Variants in CAMTA1 observed in about 807,000 individuals in gnomAD.
The protein encoded by CAMTA1 is calmodulin-binding transcription activator 1.
CAMTA1 carries 27 observed loss-of-function variants against 170.9 expected under a neutral mutation model. That is an observed-to-expected ratio of 0.16 (90% confidence interval 0.12 to 0.22). The LOEUF is 0.22. Ranked by LOEUF, CAMTA1 falls within the 10% of genes least tolerant of loss-of-function variation. The pLI, the probability that CAMTA1 is intolerant of heterozygous loss-of-function variation, is 1.00. For synonymous variants in CAMTA1, 833 were observed against 891.5 expected (o/e 0.93, Z 1.17); for missense variants, 1,619 against 2,217.2 (o/e 0.73, Z 5.42).
intron 5 of CAMTA1, among the ~76,000 whole-genome samples, chr1:7,371,639 T>C (rs2086481075): frequency 6.6e-6 from 1 of 152,238 alleles, no homozygotes; most frequent in South Asian, 2.1e-4. Context: ...GGAGTTTCTA[T>C]GGCTCAACAC....
intron 4 of CAMTA1, among the ~76,000 whole-genome samples, chr1:7,194,624 C>A (rs1394712264): frequency 6.6e-6 from 1 of 152,108 alleles, no homozygotes; most frequent in Non-Finnish European, 1.5e-5. Flanking sequence ...TGTTTTACAG[C>A]GATACTTGGA....
intron 3 of CAMTA1, among the ~76,000 whole-genome samples, chr1:6,959,805 G>T (rs1050344856): frequency 6.6e-6 from 1 of 152,042 alleles, no homozygotes; most frequent in Admixed American, 6.5e-5. Flanking sequence ...GAGCTGAGCC[G>T]GGTTCAGATT....
intron 5 of CAMTA1, among the ~76,000 whole-genome samples, chr1:7,323,781 A>T (rs1298504513): frequency 6.6e-6 from 1 of 152,152 alleles, no homozygotes; most frequent in Non-Finnish European, 1.5e-5. Context: ...GCCTTAATGC[A>T]CAAAGCACTG....
In CAMTA1 at chr1:7,130,067, G is replaced by C. The variant is rs185298091; in HGVS notation, c.302+38696G>C. 6.1e-4 allele frequency among the ~76,000 whole-genome samples: 93 copies of C among 152,144 alleles called. 1 individual carries two copies. Among genetic ancestry groups the C allele is most frequent in the Admixed American group, 6.0e-3 (92 of 15,270 alleles). On this transcript the variant is annotated intron_variant, in intron 4 of 22. Coordinates refer to ENST00000303635, the MANE Select transcript of CAMTA1 (RefSeq NM_015215.4). ...TTCTCCCGCCTCAGCCCCCCAAGTA[G>C]CTGGGACTACAGGCACGTGCGTCAC... is the stretch of plus-strand genomic sequence containing the variant.
rs779699042 is a variant in CAMTA1, at chr1:7,144,251, G to A, written c.302+52880G>A. On this transcript the variant is annotated intron_variant, in intron 4 of 22. Coordinates refer to ENST00000303635, the MANE Select transcript of CAMTA1 (RefSeq NM_015215.4). This position sits in a 1 kb window ranked among gnomAD's most constrained non-coding sequence, Gnocchi z 4.0. The stretch of plus-strand genomic sequence containing the variant: ...GCCTTTTCTAAGTGTGTGTGTGTGT[G>A]TATGTGTGTGTTTGTGTGTATGAGT... 2.0e-5 allele frequency among the ~76,000 whole-genome samples: 3 copies of A among 151,524 alleles called. No homozygotes were observed. The highest frequency in any genetic ancestry group is 2.9e-5 in the Non-Finnish European group (2 of 68,024).
chr1:7,342,865 C>T (rs139957671), intron 5 of CAMTA1, among the ~76,000 whole-genome samples: 3 of 152,300 alleles, frequency 2.0e-5, no homozygotes, highest in African/African-American at 4.8e-5. Context: ...TTTTCTGCAA[C>T]TTCATGCCTG....
chr1:7,136,247 G>A (rs575584062), intron 4 of CAMTA1, among the ~76,000 whole-genome samples: 2 of 152,344 alleles, frequency 1.3e-5, no homozygotes, highest in African/African-American at 4.8e-5. Flanking sequence ...CAAATCAGAA[G>A]GGAATTTCTG....
chr1:7,673,993 C>T lies in CAMTA1; in HGVS notation c.2779+2956C>T, dbSNP rs1307086544. 6.6e-6 allele frequency among the ~76,000 whole-genome samples: 1 copy of T among 152,088 alleles called. No homozygotes were observed. The highest frequency in any genetic ancestry group is 1.5e-5 in the Non-Finnish European group (1 of 68,022). ...GGAGATGACGCTGGCTGCTTGGGGA[C>T]CTCATCTTTGGGTCTCCCCAGAGGA... On this transcript the variant is annotated intron_variant, in intron 10 of 22. Coordinates refer to ENST00000303635, the MANE Select transcript of CAMTA1 (RefSeq NM_015215.4). This position sits in a 1 kb window ranked among gnomAD's most constrained non-coding sequence, Gnocchi z 4.6.
rs61161982 is a variant in CAMTA1, at chr1:7,310,647, T to TCTTTCTTTCTTTCTTTCTTTC, written c.438+61021_438+61022insCTTTCTTTCTTTCTTTCTTTC. Among the ~76,000 whole-genome samples the TCTTTCTTTCTTTCTTTCTTTC allele has an allele frequency of 4.1e-5, 2 of 49,148 alleles. 1 individual carries two copies. Among genetic ancestry groups the TCTTTCTTTCTTTCTTTCTTTC allele is most frequent in the Admixed American group, 4.9e-4 (2 of 4,094 alleles). The allele number at this position is 49,148 out of a possible 152,430, so 32.2% of individuals were successfully genotyped here. A position where few individuals can be genotyped will look rare whatever the true frequency, so the allele number is the denominator to read the frequency against. The stretch of plus-strand genomic sequence containing the variant: ...TTCTTTCTTTCTTTCTTTCTTTCTT[T>TCTTTCTTTCTTTCTTTCTTTC]TTTCTTTCTTTCTTTCTTTCTTTCC... On this transcript the variant is annotated intron_variant, in intron 5 of 22. Transcript: ENST00000303635.
intron 4 of CAMTA1, among the ~76,000 whole-genome samples, chr1:7,177,301 C>T (rs1455129756): frequency 6.6e-6 from 1 of 151,752 alleles, no homozygotes; most frequent in African/African-American, 2.4e-5. Flanking sequence ...ATGCTGAAGC[C>T]TCTCCCACAC....
At chr1:6,951,285 A>G (rs1157231523) in intron 3 of CAMTA1, among the ~76,000 whole-genome samples, 1 of 152,074 alleles carries the variant, frequency 6.6e-6, no homozygotes, top group African/African-American at 2.4e-5. Flanking sequence ...CATTCATTCA[A>G]TAGGTATTGA....
intron 6 of CAMTA1, among the ~76,000 whole-genome samples, chr1:7,574,092 C>A (rs1263374032): frequency 8.4e-6 from 1 of 119,074 alleles, no homozygotes; most frequent in African/African-American, 8.9e-5. Flanking sequence ...TCCATAAAGG[C>A]TCAATTTACC....
intron 4 of CAMTA1, among the ~76,000 whole-genome samples, chr1:7,110,637 C>T (rs538335234): frequency 6.6e-6 from 1 of 152,220 alleles, no homozygotes; most frequent in Non-Finnish European, 1.5e-5. Context: ...CACTTAGAGG[C>T]AGATGAATGA....
chr1:6,999,622 A>G (rs1243109016), intron 3 of CAMTA1, among the ~76,000 whole-genome samples: 1 of 152,080 alleles, frequency 6.6e-6, no homozygotes, highest in Non-Finnish European at 1.5e-5. Flanking sequence ...GGCTCGAGTG[A>G]TCTGCCTACC....
chr1:7,261,546 C>T (rs1159355336), intron 5 of CAMTA1, among the ~76,000 whole-genome samples: 2 of 152,174 alleles, frequency 1.3e-5, no homozygotes, highest in Non-Finnish European at 2.9e-5. Flanking sequence ...ATGCAGAAGC[C>T]AACAAGGCCG....
At position 7,467,098 on chromosome 1, in the gene CAMTA1, C is replaced by A. The variant is rs1226766062; in HGVS notation, c.439-732C>A. ...CCCACCCACTGGTCAACTCTGCTCA[C>A]CTGGGTCTAGGTGATGGGCCCCTGA... On this transcript the variant is annotated intron_variant, in intron 5 of 22. Transcript: ENST00000303635. Among the ~76,000 whole-genome samples the A allele has an allele frequency of 2.6e-5, 4 of 152,180 alleles. No homozygotes were observed. In the East Asian group the frequency reaches 7.7e-4, roughly 29 times the overall value.
intron 3 of CAMTA1, among the ~76,000 whole-genome samples, chr1:7,021,677 G>C (rs1292231231): frequency 6.6e-6 from 1 of 152,174 alleles, no homozygotes; most frequent in African/African-American, 2.4e-5. Flanking sequence ...ACTTAGTGTT[G>C]CACACCTCAA....
At chr1:7,645,164 G>A (rs1226908346) in intron 7 of CAMTA1, among the ~76,000 whole-genome samples, 2 of 152,212 alleles carry the variant, frequency 1.3e-5, no homozygotes, top group Admixed American at 1.3e-4. Context: ...ACTTTGAGTG[G>A]AGTCGACTGC....
At chr1:7,100,857 T>C (rs977476488) in intron 4 of CAMTA1, among the ~76,000 whole-genome samples, 7 of 152,140 alleles carry the variant, frequency 4.6e-5, no homozygotes, top group African/African-American at 1.7e-4. Context: ...CGATGGCTTT[T>C]ATTTTTACAT....
Sources: gnomAD v4.1 joint callset for allele counts (sites outside exome capture counted in the v4.1 genomes callset) on GRCh38, gnomAD v4.1.1 for gene constraint, Gnocchi (gnomAD v3.1) non-coding constraint, MANE v1.5 for transcripts, NCBI Gene and HGNC (gene_info 2026-07-23, HGNC 2026-07-21) for gene names.